The following PCCB variants were observed in gnomAD, a reference collection of about 807,000 sequenced individuals.
The protein encoded by PCCB is propionyl-CoA carboxylase beta chain, mitochondrial.
A neutral mutation model predicts 60.7 loss-of-function variants in PCCB; 43 were observed. The observed-to-expected ratio is 0.71, with a 90% CI of 0.55 to 0.91. The LOEUF (loss-of-function observed/expected upper bound fraction) is 0.91. Among genes scored for constraint, PCCB ranks in the 40% least tolerant of loss-of-function variants. PCCB has a pLI of 0.00. For synonymous variants in PCCB, 276 were observed against 255.9 expected (o/e 1.08, Z -0.75); for missense variants, 766 against 702.8 (o/e 1.09, Z -1.02).
At chr3:136,294,573 G>A (rs1190536120) in intron 7 of PCCB, among the ~76,000 whole-genome samples, 1 of 151,486 alleles carries the variant, frequency 6.6e-6, no homozygotes, top group Non-Finnish European at 1.5e-5. Context: ...GCTTCCCAAA[G>A]TGCTGGGATT....
At chr3:136,302,543 T>G (rs1228332404) in intron 9 of PCCB, among the ~76,000 whole-genome samples, 2 of 120,944 alleles carry the variant, frequency 1.7e-5, no homozygotes, top group African/African-American at 5.0e-5. Context: ...TAGGGTTTTA[T>G]TTTATTTATT....
In PCCB at chr3:136,306,686, G is replaced by A. The variant is rs1934460735; in HGVS notation, c.966+5575G>A. On this transcript the variant is annotated intron_variant, in intron 9 of 14. Coordinates refer to ENST00000251654, the MANE Select transcript of PCCB (RefSeq NM_000532.5). Reference sequence around the variant, plus strand: ...CTTTAATACAATTATTGGTTATATTGTCACATCTGGGATTAATTTTTTAAA... The same window carrying A: ...CTTTAATACAATTATTGGTTATATTATCACATCTGGGATTAATTTTTTAAA... Among the ~76,000 whole-genome samples the A allele has an allele frequency of 1.6e-5, 2 of 121,508 alleles. 1 individual carries two copies. Among genetic ancestry groups the A allele is most frequent in the Non-Finnish European group, 3.7e-5 (2 of 54,572 alleles). The allele number at this position is 121,508 out of a possible 152,430, so 79.7% of individuals were successfully genotyped here.
At chr3:136,259,244 A>C in intron 3 of PCCB, 1 of 941,776 alleles carries the variant, frequency 1.1e-6, no homozygotes, top group Non-Finnish European at 1.5e-6. Flanking sequence ...AGGTGGGTAG[A>C]TCACTTGAGG....
rs1934914045 is a variant in PCCB at position 136,316,838 on chromosome 3, C to T, written c.967-103C>T. 2.5e-5 allele frequency: 34 copies of T among 1,379,392 alleles called. No homozygotes were observed. In the South Asian group the frequency reaches 3.7e-4, roughly 15 times the overall value. 85.4% of individuals were successfully genotyped at this position (1,379,392 alleles called of 1,614,324 possible). A position where few individuals can be genotyped will look rare whatever the true frequency, so the allele number is the denominator to read the frequency against. Reference sequence around the variant, plus strand: ...CTGTGATAGAGCTGGAGCTGTCTACCTCTACCTCTGTAATTCTGTAATAGA... The same window carrying T: ...CTGTGATAGAGCTGGAGCTGTCTACTTCTACCTCTGTAATTCTGTAATAGA... On this transcript the variant is annotated intron_variant, in intron 9 of 14. Transcript: ENST00000251654.
chr3:136,255,733 T>C, intron 1 of PCCB, 123 bp from the exon 2 acceptor site: 6 of 842,992 alleles, frequency 7.1e-6, no homozygotes, highest in South Asian at 1.3e-5. Context: ...TTGGATAGAA[T>C]GAAAGTACTT....
At chr3:136,314,224 T>C (rs1020103131) in intron 9 of PCCB, among the ~76,000 whole-genome samples, 1 of 152,196 alleles carries the variant, frequency 6.6e-6, no homozygotes, top group Non-Finnish European at 1.5e-5. Context: ...TTGGTAAATA[T>C]AGGACAATTT....
intron 6 of PCCB, among the ~76,000 whole-genome samples, chr3:136,286,593 G>T (rs1175647302): frequency 6.6e-6 from 1 of 152,162 alleles, no homozygotes; most frequent in Non-Finnish European, 1.5e-5. Flanking sequence ...TTAGTCAGAA[G>T]GTCCTGTTGG....
chr3:136,278,801 A>G (rs756458830), intron 5 of PCCB, among the ~76,000 whole-genome samples: 8 of 152,136 alleles, frequency 5.3e-5, no homozygotes, highest in Non-Finnish European at 7.4e-5. Context: ...GGTCTTTTAT[A>G]TGTATTAGTT....
intron 9 of PCCB, among the ~76,000 whole-genome samples, chr3:136,313,645 AAAAAT>A (rs372362308): frequency 3.9e-5 from 6 of 152,190 alleles, no homozygotes; most frequent in African/African-American, 1.2e-4. Context: ...TTACATATTA[AAAAAT>A]AAAATCAAGA....
At chr3:136,268,096 A>ATATATG (rs1942072388) in intron 5 of PCCB, among the ~76,000 whole-genome samples, 5 of 106,504 alleles carry the variant, frequency 4.7e-5, no homozygotes, top group South Asian at 2.7e-4. Context: ...AGATATATAT[A>ATATATG]TATATATATA....
chr3:136,299,790 A>G (rs928952729), intron 8 of PCCB, among the ~76,000 whole-genome samples: 1 of 149,656 alleles, frequency 6.7e-6, no homozygotes, highest in Non-Finnish European at 1.5e-5. Context: ...GTATGTATGT[A>G]TATGCATGTG....
At chr3:136,303,009 A>T (rs1291114893) in intron 9 of PCCB, among the ~76,000 whole-genome samples, 1 of 122,252 alleles carries the variant, frequency 8.2e-6, no homozygotes, top group African/African-American at 2.5e-5. Flanking sequence ...GCTTGAACCC[A>T]GGTGTTTGAG....
intron 5 of PCCB, among the ~76,000 whole-genome samples, chr3:136,277,876 G>C (rs1326486331): frequency 1.3e-5 from 2 of 152,148 alleles, no homozygotes; most frequent in African/African-American, 4.8e-5. Context: ...TTCAGGCCAT[G>C]CTCCTCCCAG....
At chr3:136,283,603 G>A (rs1324208184) in intron 5 of PCCB, among the ~76,000 whole-genome samples, 4 of 152,146 alleles carry the variant, frequency 2.6e-5, no homozygotes, top group Non-Finnish European at 5.9e-5. Flanking sequence ...GCCCAGGAGG[G>A]GAGGGGAGAG....
At position 136,327,733 on chromosome 3, in the gene PCCB, G is replaced by T. The variant is rs794727092; in HGVS notation, c.1398+1G>T. 5.6e-6 allele frequency: 9 copies of T among 1,610,848 alleles called. No individual in the cohort carries two copies. Among genetic ancestry groups the T allele is most frequent in the Non-Finnish European group, 7.6e-6 (9 of 1,177,294 alleles). ...AGAGATTGCAGTCATGGGAGCAAAG[G>T]TGAGGGCCTCTTGCTTTTCCCTTTC... On this transcript the variant is annotated splice_donor_variant, in intron 13 of 14. Transcript: ENST00000251654. LOFTEE classifies it high-confidence loss of function.
chr3:136,312,501 CAG>C (rs1457327146), intron 9 of PCCB, among the ~76,000 whole-genome samples: 5 of 152,284 alleles, frequency 3.3e-5, no homozygotes, highest in South Asian at 2.1e-4. Context: ...TATCAAATCT[CAG>C]GGGCAAAAAT....
At chr3:136,268,381 A>G (rs867409780) in intron 5 of PCCB, among the ~76,000 whole-genome samples, 2 of 150,194 alleles carry the variant, frequency 1.3e-5, no homozygotes, top group Middle Eastern at 3.2e-3. Context: ...CCATTGTTCT[A>G]TGTCTGTCCT....
At chr3:136,254,468 C>A (rs944745469) in intron 1 of PCCB, among the ~76,000 whole-genome samples, 2 of 142,826 alleles carry the variant, frequency 1.4e-5, no homozygotes, top group Non-Finnish European at 3.0e-5. Flanking sequence ...GATCCGCCTG[C>A]CTTGGCCTCC....
At chr3:136,268,049 AGTGTGTGTGTGTGTGCGTGTGT>A (rs1942055298) in intron 5 of PCCB, among the ~76,000 whole-genome samples, 3 of 83,940 alleles carry the variant, frequency 3.6e-5, no homozygotes, top group Non-Finnish European at 7.3e-5. Flanking sequence ...AAACCTGGCT[AGTGTGTGTGTGTGTGCGTGTGT>A]GTGTGTGTGT....
Sources: gnomAD v4.1 joint callset for allele counts (sites outside exome capture counted in the v4.1 genomes callset) on GRCh38, gnomAD v4.1.1 for gene constraint, MANE v1.5 for transcripts, NCBI Gene and HGNC (gene_info 2026-07-23, HGNC 2026-07-21) for gene names.